The following SP1 variants were observed in gnomAD, a reference collection of about 807,000 sequenced individuals.
SP1 encodes the protein transcription factor Sp1.
A neutral mutation model predicts 66.3 loss-of-function variants in SP1; 6 were observed. The observed-to-expected ratio is 0.09, with a 90% CI of 0.05 to 0.18. The LOEUF (loss-of-function observed/expected upper bound fraction) is 0.18. Ranked by LOEUF, SP1 falls within the 10% of genes least tolerant of loss-of-function variation. SP1 has a pLI of 1.00. For missense variants in SP1, 848 were observed against 964.5 expected (o/e 0.88, Z 1.60); for synonymous variants, 417 against 360.8 (o/e 1.16, Z -1.77).
In SP1 at chr12:53,382,933, C is replaced by T; in HGVS notation, c.986C>T (p.Thr329Ile). 6.2e-7 allele frequency: 1 copy of T among 1,614,140 alleles called. No homozygotes were observed. The highest frequency in any genetic ancestry group is 1.1e-5 in the South Asian group (1 of 91,084). The change falls in exon 3 of 6, where the codon ACT becomes ATT. Residue 329 changes from threonine to isoleucine, a missense_variant. Thr to Ile is a moderately conservative substitution (Grantham distance 89). Coordinates refer to ENST00000327443, the MANE Select transcript of SP1 (RefSeq NM_138473.3). The stretch of plus-strand genomic sequence containing the variant: ...TTCACCAATGCCAATAGCTACTCAA[C>T]TACTACTACCACCAGCAACATGGGA... ...SFFTNANSYS[T>I]TTTTSNMGIM...
At chr12:53,380,360 C>T in intron 1 of SP1, 62 bp downstream of exon 1, 1 of 1,359,364 alleles carries the variant, frequency 7.4e-7, no homozygotes, top group Non-Finnish European at 9.7e-7. Flanking sequence ...CGCGCGAGGG[C>T]CGACCGGGCG....
intron 3 of SP1, among the ~76,000 whole-genome samples, chr12:53,391,728 C>T (rs1938357613): frequency 6.6e-6 from 1 of 151,248 alleles, no homozygotes; most frequent in Non-Finnish European, 1.5e-5. Context: ...AGCAACCCAA[C>T]AGTTTTTCCA....
chr12:53,403,460 A>G (rs1446027303), intron 3 of SP1, among the ~76,000 whole-genome samples: 4 of 151,256 alleles, frequency 2.6e-5, no homozygotes, highest in Non-Finnish European at 5.9e-5. Flanking sequence ...TCAAGTGATT[A>G]CCCTGCTTCA....
chr12:53,381,726 T>G lies in SP1; in HGVS notation c.75T>G (p.Asn25Lys). Residue 25 changes from asparagine to lysine, a missense_variant, in exon 2 of 6, where the codon AAT (asparagine) becomes AAG (lysine). By Grantham distance (94) the Asn-to-Lys change is moderately conservative (BLOSUM62 0). Transcript: ENST00000327443. ...VKIEKGVGGNNGGNGNGGGAF... is the reference protein window; with the variant it reads ...VKIEKGVGGNKGGNGNGGGAF... ...TTGAAAAAGGAGTTGGTGGCAATAATGGGGGCAATGGTAATGGTGGTGGTG... is the reference window on the plus strand; with the variant it reads ...TTGAAAAAGGAGTTGGTGGCAATAAGGGGGGCAATGGTAATGGTGGTGGTG... 6.2e-7 allele frequency: 1 copy of G among 1,614,040 alleles called. No individual in the cohort carries two copies. The highest frequency in any genetic ancestry group is 8.5e-7 in the Non-Finnish European group (1 of 1,179,966).
chr12:53,409,312 C>A (rs371391684), intron 4 of SP1, 50 bp from the exon 5 acceptor site: 24 of 1,490,592 alleles, frequency 1.6e-5, no homozygotes, highest in East Asian at 2.3e-5. Flanking sequence ...CTTTGTGGTT[C>A]TTTAGTTTTC....
chr12:53,387,204 G>A (rs1346950880), intron 3 of SP1, among the ~76,000 whole-genome samples: 1 of 152,108 alleles, frequency 6.6e-6, no homozygotes, highest in Non-Finnish European at 1.5e-5. Flanking sequence ...GCCCGCCTTG[G>A]CCTCCCAAAG....
chr12:53,390,667 A>G (rs1180822019), intron 3 of SP1, among the ~76,000 whole-genome samples: 1 of 151,772 alleles, frequency 6.6e-6, no homozygotes, highest in African/African-American at 2.4e-5. Context: ...TGGGCAACAG[A>G]GCTAGATTCC....
intron 3 of SP1, among the ~76,000 whole-genome samples, chr12:53,404,075 GC>G (rs1938672677): frequency 6.6e-6 from 1 of 151,966 alleles, no homozygotes; most frequent in Non-Finnish European, 1.5e-5. Context: ...GGAGGCTGAG[GC>G]AGGAGAATGG....
At chr12:53,392,482 A>G (rs35274156) in intron 3 of SP1, among the ~76,000 whole-genome samples, 5 of 146,228 alleles carry the variant, frequency 3.4e-5, no homozygotes, top group South Asian at 2.2e-4. Context: ...TCAGCCTCCC[A>G]AGTAGCTGGG....
In SP1 at chr12:53,414,055, T is replaced by G. The variant is rs1157627810; in HGVS notation, c.*2815T>G. On this transcript the variant is annotated 3_prime_UTR_variant, in exon 6 of 6. Coordinates refer to ENST00000327443, the MANE Select transcript of SP1 (RefSeq NM_138473.3). ...CACTCAGTCTCTTCCACAGGAAGTT[T>G]GGAGCCTACATTCCTTGAGTCAGGA... 6.6e-6 allele frequency: 1 copy of G among 152,216 alleles called. No individual in the cohort carries two copies. Among genetic ancestry groups the G allele is most frequent in the Admixed American group, 6.5e-5 (1 of 15,282 alleles). 9.4% of individuals were successfully genotyped at this position (152,216 alleles called of 1,614,324 possible). A position where few individuals can be genotyped will look rare whatever the true frequency, so the allele number is the denominator to read the frequency against.
intron 3 of SP1, among the ~76,000 whole-genome samples, chr12:53,396,448 A>G (rs1938492346): frequency 6.8e-6 from 1 of 147,750 alleles, no homozygotes; most frequent in Non-Finnish European, 1.5e-5. Flanking sequence ...TGCGCCTGTA[A>G]TCTCAGCTAC....
chr12:53,392,378 ACGGAGT>A (rs1938373418), intron 3 of SP1, among the ~76,000 whole-genome samples: 3 of 82,818 alleles, frequency 3.6e-5, no homozygotes, highest in Non-Finnish European at 6.6e-5. Context: ...TTTTTTTGAG[ACGGAGT>A]CTCGCTCTGT....
In SP1 at chr12:53,412,147, T is replaced by C. The variant is rs992560887; in HGVS notation, c.*907T>C. 3 of 152,280 alleles carry C rather than the reference T, an allele frequency of 2.0e-5. No homozygotes were observed. The highest frequency in any genetic ancestry group is 6.5e-5 in the Admixed American group (1 of 15,274). 9.4% of individuals were successfully genotyped at this position (152,280 alleles called of 1,614,324 possible). On this transcript the variant is annotated 3_prime_UTR_variant, in exon 6 of 6. Coordinates refer to ENST00000327443, the MANE Select transcript of SP1 (RefSeq NM_138473.3). The stretch of plus-strand genomic sequence containing the variant: ...AAATACTACTGACGCAGGCACCTTC[T>C]TGGCGCTGGAGAGTCAAAGGCATCT...
At chr12:53,391,384 C>T (rs1049471829) in intron 3 of SP1, among the ~76,000 whole-genome samples, 1 of 122,210 alleles carries the variant, frequency 8.2e-6, no homozygotes, top group Non-Finnish European at 1.6e-5. Flanking sequence ...GAGTCTCGCT[C>T]TGTTGCCAGG....
At position 53,411,286 on chromosome 12, in the gene SP1, C is replaced by T; in HGVS notation, c.*46C>T. ...AGACATATGGGCCATACCCCTTAAC[C>T]CCGGGATGCAAGGTAGCATGGGTCC... is the stretch of plus-strand genomic sequence containing the variant. On this transcript the variant is annotated 3_prime_UTR_variant, in exon 6 of 6. Transcript: ENST00000327443. 1 of 1,493,178 alleles carries T rather than the reference C, an allele frequency of 6.7e-7. No homozygotes were observed. The highest frequency in any genetic ancestry group is 9.2e-7 in the Non-Finnish European group (1 of 1,091,218). 92.5% of individuals were successfully genotyped at this position (1,493,178 alleles called of 1,614,324 possible). A position where few individuals can be genotyped will look rare whatever the true frequency, so the allele number is the denominator to read the frequency against.
intron 3 of SP1, among the ~76,000 whole-genome samples, chr12:53,400,467 A>C (rs897256436): frequency 5.3e-5 from 8 of 152,186 alleles, no homozygotes; most frequent in Non-Finnish European, 1.2e-4. Context: ...TAATGCTGCT[A>C]TGAATATTTG....
At chr12:53,380,478 G>A (rs1938058945) in intron 1 of SP1, among the ~76,000 whole-genome samples, 180 bp downstream of exon 1, 1 of 151,228 alleles carries the variant, frequency 6.6e-6, no homozygotes, top group South Asian at 2.1e-4. Flanking sequence ...GGGCCTCCGA[G>A]GAGGAGGGGG....
Position 53,382,979 on chromosome 12 carries a change from T to A in SP1, c.1032T>A (p.Ser344Arg). 6.2e-7 allele frequency: 1 copy of A among 1,614,178 alleles called. No homozygotes were observed. The highest frequency in any genetic ancestry group is 1.1e-5 in the South Asian group (1 of 91,086). Residue 344 changes from serine (S) to arginine (R), a missense_variant, in exon 3 of 6, where the codon AGT becomes AGA. Physicochemically the swap from Ser to Arg is moderately radical, Grantham distance 110. Transcript: ENST00000327443. Reference sequence around the variant, plus strand: ...TGGGAATTATGAACTTTACTACCAGTGGATCATCAGGGACCAACTCTCAAG... The same window carrying A: ...TGGGAATTATGAACTTTACTACCAGAGGATCATCAGGGACCAACTCTCAAG... The part of the protein sequence containing the change: ...SNMGIMNFTT[S>R]GSSGTNSQGQ...
At chr12:53,380,395 G>C in intron 1 of SP1, 97 bp downstream of exon 1, 1 of 1,118,018 alleles carries the variant, frequency 8.9e-7, no homozygotes, top group Non-Finnish European at 1.2e-6. Flanking sequence ...GCGGGGGCGG[G>C]CGGGAGGCGG....
Sources: gnomAD v4.1 joint callset for allele counts (sites outside exome capture counted in the v4.1 genomes callset) on GRCh38, gnomAD v4.1.1 for gene constraint, MANE v1.5 for transcripts, NCBI Gene and HGNC (gene_info 2026-07-23, HGNC 2026-07-21) for gene names.